Variants in BCKDHB observed in about 807,000 individuals in gnomAD.
The protein encoded by BCKDHB is 2-oxoisovalerate dehydrogenase subunit beta, mitochondrial.
BCKDHB carries 41 observed loss-of-function variants against 48.5 expected under a neutral mutation model. That is an observed-to-expected ratio of 0.85 (90% CI 0.66 to 1.10). The LOEUF is 1.10. Ranked by LOEUF, BCKDHB falls within the 50% of genes least tolerant of loss-of-function variation. The pLI, the probability that BCKDHB is intolerant of heterozygous loss-of-function variation, is 0.00. For missense variants in BCKDHB, 496 were observed against 494.2 expected, an observed-to-expected ratio of 1.00 and a Z score of -0.03; for synonymous variants, 201 against 174.8, an observed-to-expected ratio of 1.15 and a Z score of -1.18.
chr6:80,386,609 G>A, the BCKDHB span, among the ~76,000 whole-genome samples: 1 of 152,162 alleles, frequency 6.6e-6, no homozygotes, highest in South Asian at 2.1e-4. Flanking sequence ...TGTGGCAGGG[G>A]CCAAGTGGTG....
At position 80,343,744 on chromosome 6, in the gene BCKDHB, A is replaced by G. The variant is rs1001243255; in HGVS notation, c.1119A>G (p.Pro373=). 2.5e-6 allele frequency: 4 copies of G among 1,613,862 alleles called. No homozygotes were observed. The African/African-American group carries it at 5.3e-5, about 22-fold the overall frequency. Residue 373 remains proline (P), a synonymous_variant, in exon 10 of 10, where the codon CCA becomes CCG. Transcript: ENST00000320393. ...YDTPFPHIFE[P]FYIPDKWKCY... ...CACCATTTCCTCACATTTTTGAACCATTCTACATCCCAGACAAATGGAAGT... is the reference window on the plus strand; with the variant it reads ...CACCATTTCCTCACATTTTTGAACCGTTCTACATCCCAGACAAATGGAAGT...
At chr6:80,426,810 T>C in the BCKDHB span, among the ~76,000 whole-genome samples, 611 of 152,226 alleles carry the variant, frequency 4.0e-3, 3 homozygotes, top group Middle Eastern at 0.017. Flanking sequence ...TGTGAGAGAG[T>C]ATACTATAAA....
At chr6:80,211,470 G>C (rs1056917246) in intron 8 of BCKDHB, among the ~76,000 whole-genome samples, 2 of 152,124 alleles carry the variant, frequency 1.3e-5, no homozygotes, top group Non-Finnish European at 2.9e-5. Context: ...CCTAACAACT[G>C]TCTTGCGCTT....
At chr6:80,229,340 C>T (rs926559357) in intron 8 of BCKDHB, among the ~76,000 whole-genome samples, 1 of 152,220 alleles carries the variant, frequency 6.6e-6, no homozygotes, top group Non-Finnish European at 1.5e-5. Flanking sequence ...GACCACTGCT[C>T]TCAGGTGGTG....
chr6:80,113,955 A>G (rs1359312555), intron 1 of BCKDHB, among the ~76,000 whole-genome samples: 1 of 152,208 alleles, frequency 6.6e-6, no homozygotes, highest in Non-Finnish European at 1.5e-5. Context: ...TTATACTCCT[A>G]TGCAAATGAA....
chr6:80,271,147 A>AC (rs1777723530), intron 8 of BCKDHB, among the ~76,000 whole-genome samples: 1 of 152,044 alleles, frequency 6.6e-6, no homozygotes, highest in African/African-American at 2.4e-5. Flanking sequence ...TGAAAAGATA[A>AC]GTTGCTTGGT....
intron 2 of BCKDHB, among the ~76,000 whole-genome samples, chr6:80,128,869 C>T (rs1432711415): frequency 8.3e-6 from 1 of 120,294 alleles, no homozygotes; most frequent in Admixed American, 9.7e-5. Context: ...TTTGTTGTCT[C>T]AACTGTGTGT....
rs1268062121 is a variant in BCKDHB at position 80,218,890 on chromosome 6, A to G, written c.951+15678A>G. On this transcript the variant is annotated intron_variant, in intron 8 of 9. Coordinates refer to ENST00000320393, the MANE Select transcript of BCKDHB (RefSeq NM_183050.4). The stretch of plus-strand genomic sequence containing the variant: ...AAAAGCAGTACACACTGTTAATATT[A>G]TTATGATAACAAATATTTTTCACCA... 2.6e-5 allele frequency among the ~76,000 whole-genome samples: 4 copies of G among 152,202 alleles called. No individual in the cohort carries two copies. In the East Asian group the frequency reaches 5.8e-4, roughly 22 times the overall value.
At chr6:80,169,940 C>A in intron 5 of BCKDHB, 2 of 1,485,134 alleles carry the variant, frequency 1.3e-6, no homozygotes, top group South Asian at 2.9e-5. Flanking sequence ...AACATTAATT[C>A]ACATTTAATA....
intron 8 of BCKDHB, among the ~76,000 whole-genome samples, chr6:80,247,717 A>G (rs954349216): frequency 1.3e-5 from 2 of 152,224 alleles, no homozygotes; most frequent in South Asian, 2.1e-4. Context: ...AGAGACTTAC[A>G]GTGAAGGGAA....
chr6:80,222,936 GC>G (rs1775527874), intron 8 of BCKDHB, among the ~76,000 whole-genome samples: 1 of 152,048 alleles, frequency 6.6e-6, no homozygotes, highest in Non-Finnish European at 1.5e-5. Context: ...TAGTTTCTTA[GC>G]CCACATTAGA....
intron 9 of BCKDHB, among the ~76,000 whole-genome samples, chr6:80,306,520 ATGAG>A (rs1316570582): frequency 2.0e-5 from 3 of 152,230 alleles, no homozygotes; most frequent in Non-Finnish European, 4.4e-5. Flanking sequence ...AGATTGATGA[ATGAG>A]TAAGTGTCCT....
At position 80,203,274 on chromosome 6, in the gene BCKDHB, A is replaced by T. The variant is rs61698752; in HGVS notation, c.951+62A>T. ...AAACCTTTGGCCAAATATGTTGTAT[A>T]TTTGCAAATAATTCTTTTGAAATTG... is the stretch of plus-strand genomic sequence containing the variant. On this transcript the variant is annotated intron_variant, in intron 8 of 9. Transcript: ENST00000320393. 1.2e-3 allele frequency: 1,399 copies of T among 1,149,806 alleles called. 16 individuals are homozygous for T. The African/African-American group carries it at 0.019, about 16-fold the overall frequency. 71.2% of individuals were successfully genotyped at this position (1,149,806 alleles called of 1,614,324 possible).
In BCKDHB at chr6:80,212,254, G is replaced by A. The variant is rs540619820; in HGVS notation, c.951+9042G>A. Among the ~76,000 whole-genome samples, 6 of 152,150 alleles carry A rather than the reference G, an allele frequency of 3.9e-5. 1 individual carries two copies. The highest frequency in any genetic ancestry group is 1.3e-4 in the Admixed American group (2 of 15,272). The stretch of plus-strand genomic sequence containing the variant: ...GCCTGAGGGTACTGCAGGAGACCAG[G>A]GCGTATCTCAGTCCTTATCTCAACT... On this transcript the variant is annotated intron_variant, in intron 8 of 9. Coordinates refer to ENST00000320393, the MANE Select transcript of BCKDHB (RefSeq NM_183050.4).
In BCKDHB at chr6:80,343,864, G is replaced by A. The variant is rs2128020792; in HGVS notation, c.*60G>A. ...TATGTGCCCCTGACATTAACGTACTGTTAACCAAGACACAGCAATCATCAG... is the reference window on the plus strand; with the variant it reads ...TATGTGCCCCTGACATTAACGTACTATTAACCAAGACACAGCAATCATCAG... On this transcript the variant is annotated 3_prime_UTR_variant, in exon 10 of 10. Transcript: ENST00000320393. The A allele has an allele frequency of 6.3e-7, 1 of 1,581,476 alleles. No individual in the cohort carries two copies. The highest frequency in any genetic ancestry group is 8.7e-7 in the Non-Finnish European group (1 of 1,150,898).
At chr6:80,407,667 G>T in the BCKDHB span, among the ~76,000 whole-genome samples, 1 of 152,104 alleles carries the variant, frequency 6.6e-6, no homozygotes, top group Non-Finnish European at 1.5e-5. Flanking sequence ...TCTGTTAGTG[G>T]TGTATAGGAA....
At chr6:80,118,916 T>C (rs1769853745) in intron 1 of BCKDHB, among the ~76,000 whole-genome samples, 1 of 152,236 alleles carries the variant, frequency 6.6e-6, no homozygotes, top group African/African-American at 2.4e-5. Flanking sequence ...CAGTCACATC[T>C]TCAGGCTGCA....
the BCKDHB span, among the ~76,000 whole-genome samples, chr6:80,410,935 G>A: frequency 6.6e-6 from 1 of 152,198 alleles, no homozygotes; most frequent in Non-Finnish European, 1.5e-5. Flanking sequence ...ACCTTCTGAA[G>A]CCTACTTCTG....
At chr6:80,406,276 C>T in the BCKDHB span, among the ~76,000 whole-genome samples, 2 of 152,152 alleles carry the variant, frequency 1.3e-5, no homozygotes, top group Non-Finnish European at 2.9e-5. Context: ...AATAGTGCCG[C>T]AATAAACATA....
Sources: allele counts gnomAD v4.1 joint callset (sites outside exome capture counted in the v4.1 genomes callset), GRCh38; gene constraint gnomAD v4.1.1; transcripts MANE v1.5; gene names NCBI Gene and HGNC (gene_info 2026-07-23, HGNC 2026-07-21).